The following SBSPON variants were observed in gnomAD, a reference collection of about 807,000 sequenced individuals.
SBSPON encodes somatomedin-B and thrombospondin type-1 domain-containing protein.
Under a neutral mutation model 35.8 loss-of-function variants are expected in SBSPON, and 30 were observed. The observed-to-expected ratio is 0.84, with a 90% CI of 0.63 to 1.14. The LOEUF (loss-of-function observed/expected upper bound fraction) is 1.14, where lower values mean the gene tolerates loss of function less well. Ranked by LOEUF, SBSPON falls within the 50% of genes most tolerant of loss-of-function variation. The pLI is 0.00. For synonymous variants in SBSPON, 136 were observed against 135.9 expected, an observed-to-expected ratio of 1.00 and a Z score of 0.00; for missense variants, 364 against 357.7, an observed-to-expected ratio of 1.02 and a Z score of -0.14.
chr8:73,080,664 T>C (rs1810681059), intron 2 of SBSPON, among the ~76,000 whole-genome samples: 1 of 152,232 alleles, frequency 6.6e-6, no homozygotes, highest in Admixed American at 6.5e-5. Context: ...ACTCTTACTG[T>C]GCTGTGTGAA....
At chr8:73,087,350 C>A (rs1013153085) in intron 1 of SBSPON, among the ~76,000 whole-genome samples, 1 of 152,114 alleles carries the variant, frequency 6.6e-6, no homozygotes, top group African/African-American at 2.4e-5. Context: ...CTAACATCAG[C>A]GGGTTGAGGG....
In SBSPON at chr8:73,069,809, C is replaced by T. The variant is rs763856104; in HGVS notation, c.673G>A (p.Asp225Asn). Residue 225 changes from aspartate to asparagine, a missense_variant, in exon 4 of 5, where the codon GAT (aspartate) becomes AAT (asparagine). Physicochemically the swap from Asp to Asn is conservative, Grantham distance 23 (BLOSUM62 1). Coordinates refer to ENST00000297354, the MANE Select transcript of SBSPON (RefSeq NM_153225.4). ...TCAGTTAATTTCCATTCTTACCCAT[C>T]GGAGTCCAGGCCATCTCCAGAACAA... ...LRCSGDGLDS[D>N]GNQTLHWQAI... 27 of 1,612,910 alleles carry T rather than the reference C, an allele frequency of 1.7e-5. No individual in the cohort carries two copies. The highest frequency in any genetic ancestry group is 2.0e-5 in the Non-Finnish European group (24 of 1,179,006).
At position 73,069,896 on chromosome 8, in the gene SBSPON, G is replaced by C; in HGVS notation, c.586C>G (p.Arg196Gly). 1 of 1,612,630 alleles carries C rather than the reference G, an allele frequency of 6.2e-7. No individual in the cohort carries two copies. Among genetic ancestry groups the C allele is most frequent in the East Asian group, 2.2e-5 (1 of 44,870 alleles). ...WPLTRWMQYL[R>G]EGYTVCVDCQ... is the part of the protein sequence containing the mutation. ...TCCACACACACCGTGTATCCCTCTC[G>C]GAGATACTGCATCCATCTAGTCAAG... The change falls in exon 4 of 5, where the codon CGA (arginine) becomes GGA (glycine). Residue 196 changes from arginine to glycine, a missense_variant. Transcript: ENST00000297354.
intron 1 of SBSPON, among the ~76,000 whole-genome samples, chr8:73,089,805 T>C (rs1244187324): frequency 2.6e-5 from 4 of 152,206 alleles, no homozygotes; most frequent in African/African-American, 9.6e-5. Context: ...CCAGGTGCAG[T>C]GCTCTGGGCT....
intron 2 of SBSPON, among the ~76,000 whole-genome samples, chr8:73,075,453 C>T (rs139470397): frequency 1.4e-3 from 213 of 152,346 alleles, no homozygotes; most frequent in African/African-American, 5.0e-3. Flanking sequence ...TGCTAATGTG[C>T]GGAAGCACGT....
At chr8:73,069,610 G>A (rs1473567108) in intron 4 of SBSPON, among the ~76,000 whole-genome samples, 195 bp downstream of exon 4, 1 of 152,136 alleles carries the variant, frequency 6.6e-6, no homozygotes, top group Non-Finnish European at 1.5e-5. Context: ...CTGGTGTATA[G>A]GGCCTGTGGG....
chr8:73,082,454 G>A (rs1303464213), intron 1 of SBSPON, among the ~76,000 whole-genome samples: 1 of 152,092 alleles, frequency 6.6e-6, no homozygotes, highest in Non-Finnish European at 1.5e-5. Flanking sequence ...GTTTTTGGAG[G>A]ACATGTGATT....
chr8:73,080,280 T>G (rs958166796), intron 2 of SBSPON, among the ~76,000 whole-genome samples: 1 of 152,118 alleles, frequency 6.6e-6, no homozygotes, highest in African/African-American at 2.4e-5. Context: ...TTTGGGAGGC[T>G]GAGGCGGGTG....
Position 73,069,825 on chromosome 8 carries a change from T to C in SBSPON, c.657A>G (p.Gly219=). The change falls in exon 4 of 5, where the codon GGA becomes GGG. Residue 219 remains glycine, a synonymous_variant. Transcript: ENST00000297354. ...CTTACCCATCGGAGTCCAGGCCATC[T>C]CCAGAACAACGAAGGCTCACAGAGT... ...AMNSVSLRCS[G]DGLDSDGNQT... is the part of the protein sequence containing the mutation. 1 of 1,614,014 alleles carries C rather than the reference T, an allele frequency of 6.2e-7. No individual in the cohort carries two copies. Among genetic ancestry groups the C allele is most frequent in the Non-Finnish European group, 8.5e-7 (1 of 1,179,886 alleles).
chr8:73,077,527 G>A (rs150960054), intron 2 of SBSPON, among the ~76,000 whole-genome samples: 26 of 152,336 alleles, frequency 1.7e-4, no homozygotes, highest in African/African-American at 5.3e-4. Context: ...GCTCACCACC[G>A]TGAGTTCTAT....
chr8:73,077,203 G>A (rs1364947337), intron 2 of SBSPON, among the ~76,000 whole-genome samples: 2 of 152,224 alleles, frequency 1.3e-5, no homozygotes, highest in East Asian at 3.8e-4. Flanking sequence ...AGCACACCCG[G>A]CCTAATCTGT....
At chr8:73,090,981 C>G (rs1268650023) in intron 1 of SBSPON, among the ~76,000 whole-genome samples, 3 of 152,184 alleles carry the variant, frequency 2.0e-5, no homozygotes, top group Non-Finnish European at 4.4e-5. Context: ...TTTCCAATTC[C>G]TGGGAGCGCT....
Sources: gnomAD v4.1 joint callset for allele counts (sites outside exome capture counted in the v4.1 genomes callset) on GRCh38, gnomAD v4.1.1 for gene constraint, MANE v1.5 for transcripts, NCBI Gene and HGNC (gene_info 2026-07-23, HGNC 2026-07-21) for gene names.